PATJ: variants seen among roughly 807,000 people sequenced by gnomAD.
The protein encoded by PATJ is inaD-like protein.
In PATJ, 190 loss-of-function variants were observed where a neutral mutation model predicts 224.9. The observed-to-expected ratio is 0.84, with a 90% CI of 0.75 to 0.95. The LOEUF is 0.95. PATJ is among the 40% of genes least tolerant of loss of function. PATJ has a pLI of 0.00. For synonymous variants in PATJ, 769 were observed against 820.3 expected (o/e 0.94, Z 1.07); for missense variants, 2,121 against 2,270.3 (o/e 0.93, Z 1.34).
intron 42 of PATJ, among the ~76,000 whole-genome samples, chr1:62,152,290 C>T (rs1668706616): frequency 6.6e-6 from 1 of 152,176 alleles, no homozygotes; most frequent in South Asian, 2.1e-4. Context: ...GGCAGGAGAG[C>T]CTCACATTGG....
chr1:61,815,248 A>C (rs913124468), intron 14 of PATJ, among the ~76,000 whole-genome samples: 3 of 152,170 alleles, frequency 2.0e-5, no homozygotes, highest in Admixed American at 6.5e-5. Context: ...GGGGAATAGA[A>C]GTTGTTTCTT....
intron 24 of PATJ, among the ~76,000 whole-genome samples, chr1:61,904,584 G>T (rs1250046472): frequency 6.6e-6 from 1 of 152,196 alleles, no homozygotes. Flanking sequence ...TTACCCTTCT[G>T]TATTAGTCCA....
chr1:62,094,250 C>T (rs1661117178), intron 33 of PATJ, among the ~76,000 whole-genome samples: 1 of 151,914 alleles, frequency 6.6e-6, no homozygotes, highest in Admixed American at 6.6e-5. Flanking sequence ...AAAAATTATC[C>T]AGGTGTGGTG....
At position 61,797,314 on chromosome 1, in the gene PATJ, G is replaced by T; in HGVS notation, c.1288G>T (p.Ala430Ser). 6.2e-7 allele frequency: 1 copy of T among 1,613,484 alleles called. No individual in the cohort carries two copies. ...CGATGGCGTGAACATTCAGGGTTTT[G>T]CCAACCATGATGTTGTTGAAGTATT... ...AVDGVNIQGF[A>S]NHDVVEVLRN... Residue 430 changes from alanine (A) to serine (S), a missense_variant, in exon 11 of 44, where the codon GCC becomes TCC. By Grantham distance (99) the Ala-to-Ser change is moderately conservative. Transcript: ENST00000642238.
chr1:62,141,503 C>T (rs1667491699), intron 41 of PATJ, among the ~76,000 whole-genome samples: 1 of 151,732 alleles, frequency 6.6e-6, no homozygotes, highest in Non-Finnish European at 1.5e-5. Flanking sequence ...GGTAAAACCC[C>T]ATCTGTACTA....
intron 27 of PATJ, among the ~76,000 whole-genome samples, chr1:61,939,375 T>C (rs76752219): frequency 6.3e-5 from 6 of 94,940 alleles, no homozygotes; most frequent in Admixed American, 1.1e-4. Flanking sequence ...CACACACACA[T>C]ATATATACAG....
intron 41 of PATJ, among the ~76,000 whole-genome samples, chr1:62,134,841 A>G (rs1471278770): frequency 6.6e-6 from 1 of 152,090 alleles, no homozygotes; most frequent in Non-Finnish European, 1.5e-5. Flanking sequence ...GAGCCATTCC[A>G]ATCAAGCTGA....
chr1:62,163,329 C>T lies in PATJ; in HGVS notation c.*2275C>T, dbSNP rs1047256193. On this transcript the variant is annotated 3_prime_UTR_variant, in exon 44 of 44. Coordinates refer to ENST00000642238, the MANE Select transcript of PATJ (RefSeq NM_001350145.3). ...CTTCAGTGCATGAAAAGCTACTACC[C>T]TCAGAACATTTTGTGTTAATTGTAC... The T allele has an allele frequency of 6.6e-6, 1 of 152,582 alleles. No individual in the cohort carries two copies. Among genetic ancestry groups the T allele is most frequent in the East Asian group, 1.9e-4 (1 of 5,188 alleles). 9.5% of individuals were successfully genotyped at this position (152,582 alleles called of 1,614,324 possible).
At chr1:62,113,427 A>C (rs550083309) in intron 34 of PATJ, among the ~76,000 whole-genome samples, 1 of 152,246 alleles carries the variant, frequency 6.6e-6, no homozygotes, top group Non-Finnish European at 1.5e-5. Context: ...ACCTGAGCCC[A>C]GGAGTTTGAG....
chr1:61,818,873 G>T (rs1656705171), intron 14 of PATJ, among the ~76,000 whole-genome samples: 1 of 152,150 alleles, frequency 6.6e-6, no homozygotes, highest in South Asian at 2.1e-4. Context: ...CATATGAATA[G>T]ATGCGGATTG....
intron 21 of PATJ, among the ~76,000 whole-genome samples, chr1:61,881,556 T>C (rs1668104142): frequency 6.6e-6 from 1 of 151,810 alleles, no homozygotes; most frequent in African/African-American, 2.4e-5. Flanking sequence ...GGATTACAGG[T>C]GTGTGCCACC....
chr1:61,844,062 C>T (rs910988488), intron 17 of PATJ, among the ~76,000 whole-genome samples: 15 of 152,044 alleles, frequency 9.9e-5, no homozygotes, highest in South Asian at 4.1e-4. Context: ...AGACAGACAG[C>T]GGACAAATAA....
At chr1:61,772,106 G>GTGTT in intron 6 of PATJ, among the ~76,000 whole-genome samples, 1 of 115,342 alleles carries the variant, frequency 8.7e-6, no homozygotes, top group South Asian at 3.1e-4. Flanking sequence ...CATGACGGTC[G>GTGTT]TTTTTTTTTT....
At chr1:62,110,280 G>A (rs1293809054) in intron 34 of PATJ, among the ~76,000 whole-genome samples, 1 of 152,140 alleles carries the variant, frequency 6.6e-6, no homozygotes, top group African/African-American at 2.4e-5. Context: ...CATTGGACTG[G>A]TTCTGGTTGT....
intron 33 of PATJ, among the ~76,000 whole-genome samples, chr1:62,099,857 G>A (rs1417954348): frequency 6.6e-6 from 1 of 152,154 alleles, no homozygotes; most frequent in Non-Finnish European, 1.5e-5. Context: ...GCTTCTTTAA[G>A]TGTTATGAGT....
intron 27 of PATJ, among the ~76,000 whole-genome samples, chr1:61,930,946 G>A (rs1296345039): frequency 3.9e-5 from 6 of 151,964 alleles, no homozygotes; most frequent in Non-Finnish European, 7.4e-5. Flanking sequence ...CAGGTGATCC[G>A]CCCGCCTCGA....
At chr1:61,878,562 G>A (rs1189950347) in intron 21 of PATJ, among the ~76,000 whole-genome samples, 2 of 151,970 alleles carry the variant, frequency 1.3e-5, no homozygotes, top group Non-Finnish European at 2.9e-5. Context: ...AAAAGTTTTA[G>A]GCTGGGTGTG....
At chr1:61,950,434 C>A (rs1260400969) in intron 27 of PATJ, among the ~76,000 whole-genome samples, 3 of 152,146 alleles carry the variant, frequency 2.0e-5, no homozygotes, top group Middle Eastern at 3.2e-3. Flanking sequence ...CACTTCCTTC[C>A]AGTGCCTTTC....
rs1008842074 is a variant in PATJ at position 61,833,900 on chromosome 1, A to G, written c.2112+115A>G. 1.2e-5 allele frequency: 10 copies of G among 818,950 alleles called. No homozygotes were observed. The African/African-American group carries it at 1.6e-4, about 13-fold the overall frequency. 50.7% of individuals were successfully genotyped at this position (818,950 alleles called of 1,614,324 possible). On this transcript the variant is annotated intron_variant, in intron 17 of 43. Transcript: ENST00000642238. ...ACTTAAGCAAAACTGAATCCCAAAG[A>G]TGGGATATTATACTACTTTCAATTG...
Sources: gnomAD v4.1 joint callset for allele counts (sites outside exome capture counted in the v4.1 genomes callset) on GRCh38, gnomAD v4.1.1 for gene constraint, MANE v1.5 for transcripts, NCBI Gene and HGNC (gene_info 2026-07-23, HGNC 2026-07-21) for gene names.